HECW2: variants seen among roughly 807,000 people sequenced by gnomAD.
HECW2 encodes the protein HECT, C2 and WW domain containing E3 ubiquitin protein ligase 2.
HECW2 carries 61 observed loss-of-function variants against 175.2 expected under a neutral mutation model. The ratio of observed to expected loss-of-function variants is 0.35; its 90% CI spans 0.28 to 0.43. HECW2 has a LOEUF of 0.43. Among genes scored for constraint, HECW2 ranks in the 20% least tolerant of loss-of-function variants. The pLI, the probability that HECW2 is intolerant of heterozygous loss-of-function variation, is 1.00. For synonymous variants in HECW2, 671 were observed against 731.0 expected (o/e 0.92, Z 1.32); for missense variants, 1,524 against 2,000.5 (o/e 0.76, Z 4.54).
At chr2:196,216,042 C>A in intron 27 of HECW2, 65 bp from the exon 28 acceptor site, 1 of 1,095,852 alleles carries the variant, frequency 9.1e-7, no homozygotes. Flanking sequence ...AAAGGCATCA[C>A]GTCATTCACG....
chr2:196,353,019 T>C (rs1693224693), intron 2 of HECW2, among the ~76,000 whole-genome samples: 1 of 152,218 alleles, frequency 6.6e-6, no homozygotes, highest in Admixed American at 6.5e-5. Context: ...AAAGTGTTTA[T>C]GATGGCTTGC....
Position 196,325,175 on chromosome 2 carries a change from G to A in HECW2, c.572-26C>T, listed in dbSNP as rs768443505. ...CTTTAAAGAAAGAGGGAGAAGGAGG[G>A]AGGGACAAAGAGAAAGCAGGAGGGA... On this transcript the variant is annotated intron_variant, in intron 5 of 28. Coordinates refer to ENST00000644978, the MANE Select transcript of HECW2 (RefSeq NM_001348768.2). 35 of 1,525,544 alleles carry A rather than the reference G, an allele frequency of 2.3e-5. No individual in the cohort carries two copies. In the South Asian group the frequency reaches 4.3e-4, roughly 19 times the overall value. 94.5% of individuals were successfully genotyped at this position (1,525,544 alleles called of 1,614,324 possible). A position where few individuals can be genotyped will look rare whatever the true frequency, so the allele number is the denominator to read the frequency against.
intron 2 of HECW2, among the ~76,000 whole-genome samples, chr2:196,358,156 T>G (rs1002355620): frequency 6.6e-6 from 1 of 152,174 alleles, no homozygotes; most frequent in African/African-American, 2.4e-5. Flanking sequence ...GAAAACTGCA[T>G]AGACTCCATT....
intron 1 of HECW2, among the ~76,000 whole-genome samples, chr2:196,511,023 T>C (rs1687934637): frequency 6.6e-6 from 1 of 152,198 alleles, no homozygotes; most frequent in Admixed American, 6.5e-5. Flanking sequence ...TGGAGCGCAG[T>C]GGTGTGATCT....
intron 1 of HECW2, among the ~76,000 whole-genome samples, chr2:196,482,505 A>G (rs1686875286): frequency 6.6e-6 from 1 of 152,236 alleles, no homozygotes; most frequent in Admixed American, 6.5e-5. Flanking sequence ...GGGGACAGCC[A>G]GCACCATGCC....
At chr2:196,246,612 G>T (rs1022289768) in intron 19 of HECW2, among the ~76,000 whole-genome samples, 3 of 151,770 alleles carry the variant, frequency 2.0e-5, no homozygotes, top group Non-Finnish European at 4.4e-5. Context: ...GGATGATCTC[G>T]ATCTCCTGAC....
chr2:196,512,892 A>G (rs1360578500), intron 1 of HECW2, among the ~76,000 whole-genome samples: 1 of 151,874 alleles, frequency 6.6e-6, no homozygotes, highest in Non-Finnish European at 1.5e-5. Context: ...GGGCCTCACC[A>G]TGTTGGCCAG....
At position 196,200,895 on chromosome 2, in the gene HECW2, G is replaced by T; in HGVS notation, c.*382C>A. The T allele has an allele frequency of 6.2e-6, 1 of 162,540 alleles. No individual in the cohort carries two copies. The highest frequency in any genetic ancestry group is 1.4e-5 in the Non-Finnish European group (1 of 73,448). The allele number at this position is 162,540 out of a possible 1,614,324, so 10.1% of individuals were successfully genotyped here. ...TTAACTTGCTCTAATTTGGAGATTG[G>T]GCCAAATGCTGCCAGTTTGGCTTGA... On this transcript the variant is annotated 3_prime_UTR_variant, in exon 29 of 29. Transcript: ENST00000644978.
chr2:196,215,848 G>C lies in HECW2; in HGVS notation c.4607+17C>G. 1 of 1,527,876 alleles carries C rather than the reference G, an allele frequency of 6.5e-7. No individual in the cohort carries two copies. The highest frequency in any genetic ancestry group is 9.1e-7 in the Non-Finnish European group (1 of 1,101,896). The allele number at this position is 1,527,876 out of a possible 1,614,324, so 94.6% of individuals were successfully genotyped here. A position where few individuals can be genotyped will look rare whatever the true frequency, so the allele number is the denominator to read the frequency against. ...CCAAATGTTGTGACAGTAAAGAAATGTTATTTTATATTTTACCTGGGAAGA... is the reference window on the plus strand; with the variant it reads ...CCAAATGTTGTGACAGTAAAGAAATCTTATTTTATATTTTACCTGGGAAGA... On this transcript the variant is annotated intron_variant, in intron 28 of 28. Transcript: ENST00000644978.
chr2:196,424,060 T>G (rs1695476797), intron 2 of HECW2, among the ~76,000 whole-genome samples: 1 of 152,088 alleles, frequency 6.6e-6, no homozygotes, highest in South Asian at 2.1e-4. Context: ...TATGCTCACT[T>G]CATGTCTCTG....
At position 196,217,059 on chromosome 2, in the gene HECW2, G is replaced by A; in HGVS notation, c.4443C>T (p.Phe1481=). The change falls in exon 27 of 29, where the codon TTC becomes TTT. Residue 1481 remains phenylalanine (F), a synonymous_variant. Coordinates refer to ENST00000644978, the MANE Select transcript of HECW2 (RefSeq NM_001348768.2). ...TGTTGAATCTTTCCACTGCAGCCCA[G>A]AACCACCGAATTACAATATGATTGT... ...YHDNHIVIRW[F]WAAVERFNNE... is the part of the protein sequence containing the mutation. 6.4e-7 allele frequency: 1 copy of A among 1,572,172 alleles called. No homozygotes were observed. The highest frequency in any genetic ancestry group is 1.2e-5 in the South Asian group (1 of 85,776).
Position 196,319,773 on chromosome 2 carries a change from A to T in HECW2, c.1117T>A (p.Ser373Thr). The stretch of plus-strand genomic sequence containing the variant: ...GTTCCATCGGCAGCACTGTCCTCAG[A>T]AACTGGCCCATTAGAGCACACCTGG... Reference protein sequence around the residue: ...DSQVCSNGPVSEDSAADGTPK... With the variant: ...DSQVCSNGPVTEDSAADGTPK... The change falls in exon 9 of 29, where the codon TCT becomes ACT. Residue 373 changes from serine to threonine, a missense_variant. Around this residue, in one of 11 missense-constraint regions of HECW2, gnomAD observed 604 missense variants for 588.3 expected, o/e 1.03. Transcript: ENST00000644978. 6.2e-7 allele frequency: 1 copy of T among 1,614,180 alleles called. No individual in the cohort carries two copies.
chr2:196,371,125 G>C (rs1204528708), intron 2 of HECW2, among the ~76,000 whole-genome samples: 1 of 152,076 alleles, frequency 6.6e-6, no homozygotes, highest in African/African-American at 2.4e-5. Context: ...CCTAAAGTCT[G>C]CATTTTTAAA....
At chr2:196,378,385 C>A (rs1694109289) in intron 2 of HECW2, among the ~76,000 whole-genome samples, 1 of 152,024 alleles carries the variant, frequency 6.6e-6, no homozygotes, top group African/African-American at 2.4e-5. Flanking sequence ...GTGGAGATAC[C>A]AGGGATAAAA....
At chr2:196,391,500 C>T (rs995205965) in intron 2 of HECW2, among the ~76,000 whole-genome samples, 1 of 152,174 alleles carries the variant, frequency 6.6e-6, no homozygotes, top group Non-Finnish European at 1.5e-5. Context: ...GTTTAACTCT[C>T]ATGAATGTAT....
intron 24 of HECW2, among the ~76,000 whole-genome samples, chr2:196,221,168 A>G (rs1001596361): frequency 6.6e-6 from 1 of 152,154 alleles, no homozygotes; most frequent in African/African-American, 2.4e-5. Context: ...ATATATATGT[A>G]TTGCTGTTAC....
At chr2:196,413,462 C>G (rs1695170665) in intron 2 of HECW2, among the ~76,000 whole-genome samples, 1 of 152,140 alleles carries the variant, frequency 6.6e-6, no homozygotes, top group African/African-American at 2.4e-5. Context: ...TCTCCCGCCT[C>G]AGCCTCCCAA....
intron 2 of HECW2, among the ~76,000 whole-genome samples, chr2:196,375,752 T>G (rs1228237258): frequency 6.6e-6 from 1 of 152,256 alleles, no homozygotes; most frequent in East Asian, 1.9e-4. Flanking sequence ...CATCATCTAT[T>G]TCAATTTTTC....
At chr2:196,214,671 G>C (rs1041884278) in intron 28 of HECW2, among the ~76,000 whole-genome samples, 4 of 152,212 alleles carry the variant, frequency 2.6e-5, no homozygotes, top group Non-Finnish European at 5.9e-5. Context: ...TGATGCGTGT[G>C]GGGTGGCCAA....
Sources: allele counts gnomAD v4.1 joint callset (sites outside exome capture counted in the v4.1 genomes callset), GRCh38; gene constraint gnomAD v4.1.1; regional missense constraint gnomAD v4.1.1; transcripts MANE v1.5; gene names NCBI Gene and HGNC (gene_info 2026-07-23, HGNC 2026-07-21).